The following ARK2N variants were observed in gnomAD, a reference collection of about 807,000 sequenced individuals.
ARK2N encodes the protein arkadia (RNF111) N-terminal like PKA signaling regulator 2N.
the ARK2N span, among the ~76,000 whole-genome samples, chr18:46,248,835 G>A: frequency 1.3e-5 from 2 of 152,116 alleles, no homozygotes; most frequent in African/African-American, 4.8e-5. Context: ...TGCCTGCCTT[G>A]GCCTCCCAAA....
At chr18:46,181,486 C>G in the ARK2N span, among the ~76,000 whole-genome samples, 1 of 151,662 alleles carries the variant, frequency 6.6e-6, no homozygotes, top group African/African-American at 2.4e-5. Context: ...GAGGCTGAGG[C>G]GGCGGATCAT....
the ARK2N span, among the ~76,000 whole-genome samples, chr18:46,244,173 G>A: frequency 6.6e-6 from 1 of 152,148 alleles, no homozygotes; most frequent in East Asian, 1.9e-4. Context: ...TTAGGAAACT[G>A]TATTAATATA....
chr18:46,258,311 A>G, the ARK2N span, among the ~76,000 whole-genome samples: 1 of 152,212 alleles, frequency 6.6e-6, no homozygotes, highest in Non-Finnish European at 1.5e-5. Context: ...CTCTTCAGTT[A>G]GGAAAAAGAA....
chr18:46,256,662 T>C, the ARK2N span, among the ~76,000 whole-genome samples: 2 of 152,228 alleles, frequency 1.3e-5, no homozygotes, highest in Non-Finnish European at 2.9e-5. Flanking sequence ...GGAAATCGTA[T>C]CTTGTAGGTG....
chr18:46,241,154 ATTGT>A, the ARK2N span, among the ~76,000 whole-genome samples: 1 of 152,210 alleles, frequency 6.6e-6, no homozygotes, highest in Non-Finnish European at 1.5e-5. Context: ...AACTCCATTG[ATTGT>A]TGTTGTCTTA....
the ARK2N span, chr18:46,240,290 G>A: frequency 4.0e-4 from 502 of 1,246,542 alleles, 1 homozygote; most frequent in Non-Finnish European, 4.2e-4. Flanking sequence ...TCATACCAGA[G>A]ACATCTGGCA....
At chr18:46,186,333 C>T in the ARK2N span, among the ~76,000 whole-genome samples, 1 of 151,062 alleles carries the variant, frequency 6.6e-6, no homozygotes, top group Non-Finnish European at 1.5e-5. Context: ...GTGGTTGGGA[C>T]TACAGGTGCA....
At chr18:46,249,098 C>T in the ARK2N span, among the ~76,000 whole-genome samples, 1 of 152,302 alleles carries the variant, frequency 6.6e-6, no homozygotes, top group East Asian at 1.9e-4. Context: ...GAGCCTGTAT[C>T]CCCCATGCTA....
At chr18:46,225,519 C>T in the ARK2N span, among the ~76,000 whole-genome samples, 20 of 152,170 alleles carry the variant, frequency 1.3e-4, no homozygotes, top group East Asian at 9.7e-4. Flanking sequence ...AGTGCAATGG[C>T]GCGATCTCGG....
the ARK2N span, among the ~76,000 whole-genome samples, chr18:46,223,137 C>A: frequency 1.3e-5 from 2 of 152,188 alleles, no homozygotes; most frequent in African/African-American, 4.8e-5. Flanking sequence ...TAAAGCAGAT[C>A]AAAGGAGCCA....
chr18:46,192,887 A>AG, the ARK2N span, among the ~76,000 whole-genome samples: 1 of 151,064 alleles, frequency 6.6e-6, no homozygotes, highest in Admixed American at 6.6e-5. Flanking sequence ...CTGTCTCAAA[A>AG]AAAAAAAAAA....
At chr18:46,220,936 G>C in the ARK2N span, among the ~76,000 whole-genome samples, 5 of 152,254 alleles carry the variant, frequency 3.3e-5, no homozygotes, top group South Asian at 1.0e-3. Context: ...AGGAGTTTGA[G>C]ACCAGCCTGG....
the ARK2N span, among the ~76,000 whole-genome samples, chr18:46,208,296 G>T: frequency 6.6e-6 from 1 of 151,924 alleles, no homozygotes; most frequent in Non-Finnish European, 1.5e-5. Flanking sequence ...TTGCAATCCA[G>T]GGAAAACATA....
At chr18:46,251,787 A>G in the ARK2N span, among the ~76,000 whole-genome samples, 1 of 152,216 alleles carries the variant, frequency 6.6e-6, no homozygotes, top group African/African-American at 2.4e-5. Context: ...CTAAGGAGTA[A>G]ATTATTAGGG....
the ARK2N span, among the ~76,000 whole-genome samples, chr18:46,203,955 G>A: frequency 6.6e-6 from 1 of 152,086 alleles, no homozygotes; most frequent in African/African-American, 2.4e-5. Flanking sequence ...TTGTTTTTTA[G>A]TGGGCTCATA....
At chr18:46,216,779 C>A in the ARK2N span, 2 of 570,972 alleles carry the variant, frequency 3.5e-6, no homozygotes, top group Non-Finnish European at 6.1e-6. This position sits in a 1 kb window ranked among gnomAD's most constrained non-coding sequence, Gnocchi z 4.3. Flanking sequence ...TTCCAGTGAA[C>A]TTTAGCACAT....
At chr18:46,179,625 CTTTT>C in the ARK2N span, among the ~76,000 whole-genome samples, 6 of 136,832 alleles carry the variant, frequency 4.4e-5, no homozygotes, top group Admixed American at 7.4e-5. Context: ...TTAAAGTTAT[CTTTT>C]TTTTTTTTTT....
chr18:46,221,030 G>A, the ARK2N span, among the ~76,000 whole-genome samples: 2,160 of 152,184 alleles, frequency 0.014, 58 homozygotes, highest in African/African-American at 0.049. Flanking sequence ...CAGCTGCTCC[G>A]GAGGCTGGTG....
chr18:46,187,729 C>T, the ARK2N span, among the ~76,000 whole-genome samples: 1 of 152,144 alleles, frequency 6.6e-6, no homozygotes, highest in Admixed American at 6.6e-5. Flanking sequence ...TATTTAGTTT[C>T]ATTCATATGA....
Sources: gnomAD v4.1 joint callset for allele counts (sites outside exome capture counted in the v4.1 genomes callset) on GRCh38, gnomAD v4.1.1 for gene constraint, Gnocchi (gnomAD v3.1) non-coding constraint, MANE v1.5 for transcripts, NCBI Gene and HGNC (gene_info 2026-07-23, HGNC 2026-07-21) for gene names.